Variants in AGPAT3 observed in about 807,000 individuals in gnomAD.
The protein encoded by AGPAT3 is 1-acyl-sn-glycerol-3-phosphate acyltransferase gamma.
AGPAT3 carries 5 observed loss-of-function variants against 47.3 expected under a neutral mutation model. That is an observed-to-expected ratio of 0.11 (90% CI 0.06 to 0.22). The LOEUF is 0.22. Among genes scored for constraint, AGPAT3 ranks in the 10% least tolerant of loss-of-function variants. AGPAT3 has a pLI of 1.00. For missense variants in AGPAT3, 315 were observed against 493.0 expected, an observed-to-expected ratio of 0.64 and a Z score of 3.42; for synonymous variants, 212 against 208.3, an observed-to-expected ratio of 1.02 and a Z score of -0.15.
chr21:43,892,735 C>T (rs906433603), intron 1 of AGPAT3, among the ~76,000 whole-genome samples: 1 of 152,244 alleles, frequency 6.6e-6, no homozygotes, highest in Non-Finnish European at 1.5e-5. Context: ...ATTGACTTCT[C>T]TCTAGTTGTG....
In AGPAT3 at chr21:43,880,059, C is replaced by A. The variant is rs2085823676; in HGVS notation, c.-112+14714C>A. Among the ~76,000 whole-genome samples, 1 of 152,230 alleles carries A rather than the reference C, an allele frequency of 6.6e-6. No individual in the cohort carries two copies. The highest frequency in any genetic ancestry group is 1.5e-5 in the Non-Finnish European group (1 of 68,032). The stretch of plus-strand genomic sequence containing the variant: ...TGACTCCGGGGCGGAGGACGCAGCC[C>A]TGCATCCCTTGCGTCCCCAGGCATC... On this transcript the variant is annotated intron_variant, in intron 1 of 9. Coordinates refer to ENST00000291572, the MANE Select transcript of AGPAT3 (RefSeq NM_020132.5). The surrounding 1 kb of genome is among the most constrained non-coding windows in gnomAD (Gnocchi z 4.5).
At chr21:43,962,103 C>T (rs1273334259) in intron 3 of AGPAT3, among the ~76,000 whole-genome samples, 2 of 151,664 alleles carry the variant, frequency 1.3e-5, no homozygotes, top group Non-Finnish European at 2.9e-5. Context: ...TGGGTTCACG[C>T]CATTCTCCTG....
intron 2 of AGPAT3, among the ~76,000 whole-genome samples, chr21:43,921,552 A>G (rs989777314): frequency 6.6e-6 from 1 of 152,090 alleles, no homozygotes; most frequent in African/African-American, 2.4e-5. Flanking sequence ...CGAAATCCCC[A>G]CCCGTTTTGG....
At chr21:43,889,788 C>T (rs1318081544) in intron 1 of AGPAT3, among the ~76,000 whole-genome samples, 1 of 152,154 alleles carries the variant, frequency 6.6e-6, no homozygotes, top group Non-Finnish European at 1.5e-5. Context: ...TACTTGATTG[C>T]TAAAAAATGC....
chr21:43,923,731 G>A (rs1267916788), intron 2 of AGPAT3, among the ~76,000 whole-genome samples: 2 of 152,260 alleles, frequency 1.3e-5, no homozygotes, highest in African/African-American at 4.8e-5. Context: ...CAGCCAGGGG[G>A]AAAGGGGTAC....
chr21:43,963,432 G>T (rs946548200), intron 3 of AGPAT3, among the ~76,000 whole-genome samples: 1 of 152,162 alleles, frequency 6.6e-6, no homozygotes, highest in Non-Finnish European at 1.5e-5. Context: ...AGGAGGAGCC[G>T]GGCGCGGTGG....
rs1286304469 is a variant in AGPAT3 at position 43,930,678 on chromosome 21, G to A, written c.-49+26659G>A. ...AGGGGAAGGCGGGGATGAGGTGGGGGTGCACACCTGGGCTGAGGGGAGCAG... is the reference window on the plus strand; with the variant it reads ...AGGGGAAGGCGGGGATGAGGTGGGGATGCACACCTGGGCTGAGGGGAGCAG... On this transcript the variant is annotated intron_variant, in intron 2 of 9. Transcript: ENST00000291572. This position sits in a 1 kb window ranked among gnomAD's most constrained non-coding sequence, Gnocchi z 5.0. 4.6e-5 allele frequency among the ~76,000 whole-genome samples: 7 copies of A among 152,102 alleles called. No individual in the cohort carries two copies. The highest frequency in any genetic ancestry group is 2.1e-4 in the South Asian group (1 of 4,832).
At position 43,929,622 on chromosome 21, in the gene AGPAT3, C is replaced by T. The variant is rs117537371; in HGVS notation, c.-49+25603C>T. ...GGGCAAGGCCTGGTCCCTGCAGAAC[C>T]GGACACGGCCTGCCAGAGCCAGTGT... is the stretch of plus-strand genomic sequence containing the variant. On this transcript the variant is annotated intron_variant, in intron 2 of 9. Coordinates refer to ENST00000291572, the MANE Select transcript of AGPAT3 (RefSeq NM_020132.5). Among the ~76,000 whole-genome samples the T allele has an allele frequency of 4.3e-3, 660 of 152,362 alleles. 3 individuals are homozygous for T. Among genetic ancestry groups the T allele is most frequent in the Non-Finnish European group, 7.8e-3 (529 of 68,038 alleles).
intron 1 of AGPAT3, among the ~76,000 whole-genome samples, chr21:43,879,183 C>T (rs1275359454): frequency 6.6e-6 from 1 of 151,958 alleles, no homozygotes; most frequent in Non-Finnish European, 1.5e-5. Context: ...AACCCTGTCT[C>T]TACTAAAAAT....
chr21:43,935,755 G>C (rs1229722351), intron 2 of AGPAT3, among the ~76,000 whole-genome samples: 3 of 152,172 alleles, frequency 2.0e-5, no homozygotes, highest in Admixed American at 2.0e-4. Context: ...CCCAGGCGTG[G>C]GGCAGGAAGG....
Position 43,982,346 on chromosome 21 carries a change from A to G in AGPAT3, c.1085A>G (p.Glu362Gly), listed in dbSNP as rs1171572136. 1.9e-6 allele frequency: 3 copies of G among 1,613,444 alleles called. No homozygotes were observed. Among genetic ancestry groups the G allele is most frequent in the Non-Finnish European group, 2.5e-6 (3 of 1,179,500 alleles). Reference sequence around the variant, plus strand: ...AGACTGATAGGAGTAACTGAGATAGAAAAAGGCTCCAGCTACGGAAACCAA... The same window carrying G: ...AGACTGATAGGAGTAACTGAGATAGGAAAAGGCTCCAGCTACGGAAACCAA... ...VRRLIGVTEI[E>G]KGSSYGNQEF... is the part of the protein sequence containing the mutation. The change falls in exon 10 of 10, where the codon GAA becomes GGA. Residue 362 changes from glutamate (E) to glycine (G), a missense_variant. Physicochemically the swap from Glu to Gly is moderately conservative, Grantham distance 98. Transcript: ENST00000291572. This position sits in a 1 kb window ranked among gnomAD's most constrained non-coding sequence, Gnocchi z 6.2.
rs1435922153 is a variant in AGPAT3, at chr21:43,922,241, G to A, written c.-49+18222G>A. Among the ~76,000 whole-genome samples the A allele has an allele frequency of 2.0e-5, 3 of 152,092 alleles. No homozygotes were observed. Among genetic ancestry groups the A allele is most frequent in the Admixed American group, 6.5e-5 (1 of 15,272 alleles). On this transcript the variant is annotated intron_variant, in intron 2 of 9. Transcript: ENST00000291572. The surrounding 1 kb of genome is among the most constrained non-coding windows in gnomAD (Gnocchi z 4.9). ...TCAGGGCCTTTCTCAGCCTGGGGACGAGGAGTGGATGTGACGGAGGAGGCT... is the reference window on the plus strand; with the variant it reads ...TCAGGGCCTTTCTCAGCCTGGGGACAAGGAGTGGATGTGACGGAGGAGGCT...
chr21:43,920,528 T>A lies in AGPAT3; in HGVS notation c.-49+16509T>A, dbSNP rs1196285150. On this transcript the variant is annotated intron_variant, in intron 2 of 9. Coordinates refer to ENST00000291572, the MANE Select transcript of AGPAT3 (RefSeq NM_020132.5). The surrounding 1 kb of genome is among the most constrained non-coding windows in gnomAD (Gnocchi z 6.1). ...CCAGGACAGCCTCCTGGGGGACTGGTTGCCAGGGCAACTGACCATGTAATT... is the reference window on the plus strand; with the variant it reads ...CCAGGACAGCCTCCTGGGGGACTGGATGCCAGGGCAACTGACCATGTAATT... 1.3e-5 allele frequency among the ~76,000 whole-genome samples: 2 copies of A among 151,786 alleles called. No individual in the cohort carries two copies. Among genetic ancestry groups the A allele is most frequent in the African/African-American group, 4.8e-5 (2 of 41,272 alleles).
intron 6 of AGPAT3, among the ~76,000 whole-genome samples, 199 bp downstream of exon 6, chr21:43,971,005 AT>A (rs1569103215): frequency 6.6e-6 from 1 of 152,242 alleles, no homozygotes; most frequent in Non-Finnish European, 1.5e-5. Context: ...ATGAGAAACA[AT>A]TAAAATAATA....
At chr21:43,926,636 CT>C (rs557494803) in intron 2 of AGPAT3, among the ~76,000 whole-genome samples, 895 of 86,422 alleles carry the variant, frequency 0.01, 12 homozygotes, top group African/African-American at 0.042. Flanking sequence ...CTACGCTGGC[CT>C]TTTTTTTTTT....
intron 2 of AGPAT3, among the ~76,000 whole-genome samples, chr21:43,907,029 C>CT (rs760824887): frequency 0.063 from 8,154 of 128,792 alleles, 297 homozygotes; most frequent in Non-Finnish European, 0.084. Context: ...TCTTTTCTTT[C>CT]TTTTTTTTTT....
intron 3 of AGPAT3, among the ~76,000 whole-genome samples, chr21:43,961,425 C>T (rs981267745): frequency 6.7e-6 from 1 of 150,236 alleles, no homozygotes; most frequent in East Asian, 1.9e-4. Flanking sequence ...AAACGGTGAG[C>T]GCATAGACAC....
Position 43,955,328 on chromosome 21 carries a change from G to A in AGPAT3, c.-48-4306G>A. 1.0e-6 allele frequency: 1 copy of A among 966,048 alleles called. No homozygotes were observed. Among genetic ancestry groups the A allele is most frequent in the Middle Eastern group, 5.0e-4 (1 of 2,010 alleles). 59.8% of individuals were successfully genotyped at this position (966,048 alleles called of 1,614,324 possible). On this transcript the variant is annotated intron_variant, in intron 2 of 9. Coordinates refer to ENST00000291572, the MANE Select transcript of AGPAT3 (RefSeq NM_020132.5). This position sits in a 1 kb window ranked among gnomAD's most constrained non-coding sequence, Gnocchi z 4.1. ...TTGGATGGAAATGTTCCCTGTTGCAGTGTGGTGGGGTCACAGGCGGCTTAG... is the reference window on the plus strand; with the variant it reads ...TTGGATGGAAATGTTCCCTGTTGCAATGTGGTGGGGTCACAGGCGGCTTAG...
At chr21:43,895,610 T>G (rs923661253) in intron 1 of AGPAT3, among the ~76,000 whole-genome samples, 4 of 151,678 alleles carry the variant, frequency 2.6e-5, no homozygotes, top group African/African-American at 9.7e-5. Flanking sequence ...AAATTTTTTT[T>G]TGAGAGAGTC....
Sources: allele counts gnomAD v4.1 joint callset (sites outside exome capture counted in the v4.1 genomes callset), GRCh38; gene constraint gnomAD v4.1.1; non-coding constraint Gnocchi (gnomAD v3.1); transcripts MANE v1.5; gene names NCBI Gene and HGNC (gene_info 2026-07-23, HGNC 2026-07-21).